Variants in MGMT observed in about 807,000 individuals in gnomAD.
MGMT encodes the protein methylated-DNA--protein-cysteine methyltransferase.
Under a neutral mutation model 15.9 loss-of-function variants are expected in MGMT, and 14 were observed. The ratio of observed to expected loss-of-function variants is 0.88; its 90% CI spans 0.58 to 1.37. The LOEUF (loss-of-function observed/expected upper bound fraction) is 1.37, where lower values mean the gene tolerates loss of function less well. Ranked by LOEUF, MGMT falls within the 40% of genes most tolerant of loss-of-function variation. The probability of loss-of-function intolerance (pLI) is 0.00; values close to 1 mark genes in which losing one functional copy is unlikely to be tolerated. For synonymous variants in MGMT, 130 were observed against 118.2 expected, an observed-to-expected ratio of 1.10 and a Z score of -0.65; for missense variants, 282 against 268.1, an observed-to-expected ratio of 1.05 and a Z score of -0.36.
Position 129,639,835 on chromosome 10 carries a change from C to T in MGMT, c.126-68060C>T, listed in dbSNP as rs141259663. ...AGGAAGGAGATAATAAAGATAAAAA[C>T]AAAGATGAATAAACATGGAAAACAG... is the stretch of plus-strand genomic sequence containing the variant. On this transcript the variant is annotated intron_variant, in intron 2 of 4. Transcript: ENST00000651593. Among the ~76,000 whole-genome samples the T allele has an allele frequency of 1.6e-3, 237 of 148,030 alleles. 1 individual carries two copies. Among genetic ancestry groups the T allele is most frequent in the African/African-American group, 5.6e-3 (223 of 40,004 alleles).
chr10:129,642,078 A>T (rs1185098514), intron 2 of MGMT, among the ~76,000 whole-genome samples: 1 of 152,176 alleles, frequency 6.6e-6, no homozygotes, highest in Non-Finnish European at 1.5e-5. Context: ...CCCTTGTTGG[A>T]CAGCAACAGA....
intron 2 of MGMT, among the ~76,000 whole-genome samples, chr10:129,606,062 C>A (rs1298178570): frequency 6.6e-6 from 1 of 152,176 alleles, no homozygotes; most frequent in Non-Finnish European, 1.5e-5. Flanking sequence ...CACTAATTTC[C>A]TCTCTCTCGT....
At chr10:129,486,657 C>G (rs749333939) in intron 1 of MGMT, among the ~76,000 whole-genome samples, 1 of 151,138 alleles carries the variant, frequency 6.6e-6, no homozygotes, top group African/African-American at 2.4e-5. Flanking sequence ...ATTTGTATTT[C>G]TACTCTGAAG....
intron 2 of MGMT, among the ~76,000 whole-genome samples, chr10:129,583,077 T>G (rs968962362): frequency 2.6e-5 from 4 of 152,214 alleles, no homozygotes; most frequent in Non-Finnish European, 5.9e-5. Context: ...ATAGGCTGTC[T>G]TGCTTCCTTC....
intron 2 of MGMT, among the ~76,000 whole-genome samples, chr10:129,624,536 C>T (rs971501589): frequency 6.6e-6 from 1 of 152,146 alleles, no homozygotes; most frequent in Non-Finnish European, 1.5e-5. Flanking sequence ...ATCCCCAATC[C>T]ATGAAAACAA....
intron 2 of MGMT, among the ~76,000 whole-genome samples, chr10:129,581,352 T>C (rs1174827290): frequency 6.6e-6 from 1 of 152,146 alleles, no homozygotes; most frequent in African/African-American, 2.4e-5. Flanking sequence ...ATGGCACCAT[T>C]GAACTTGAGA....
At chr10:129,610,014 G>A (rs953646929) in intron 2 of MGMT, among the ~76,000 whole-genome samples, 21 of 152,136 alleles carry the variant, frequency 1.4e-4, no homozygotes, top group African/African-American at 4.8e-4. Flanking sequence ...AAAGCTTTAG[G>A]CAGACACTGA....
At chr10:129,552,832 C>T (rs933354651) in intron 2 of MGMT, among the ~76,000 whole-genome samples, 1 of 152,222 alleles carries the variant, frequency 6.6e-6, no homozygotes, top group Non-Finnish European at 1.5e-5. Flanking sequence ...GAAGCCTGCT[C>T]TTTTTGTTTT....
chr10:129,675,190 A>G (rs1847770648), intron 2 of MGMT, among the ~76,000 whole-genome samples: 1 of 152,160 alleles, frequency 6.6e-6, no homozygotes, highest in Non-Finnish European at 1.5e-5. Flanking sequence ...GGCCCAGCAC[A>G]CTGGGAGGTT....
At position 129,702,327 on chromosome 10, in the gene MGMT, C is replaced by T. The variant is rs759090444; in HGVS notation, c.126-5568C>T. Among the ~76,000 whole-genome samples the T allele has an allele frequency of 1.2e-4, 19 of 152,242 alleles. 1 individual carries two copies. The highest frequency in any genetic ancestry group is 2.4e-4 in the Non-Finnish European group (16 of 68,036). On this transcript the variant is annotated intron_variant, in intron 2 of 4. Coordinates refer to ENST00000651593, the MANE Select transcript of MGMT (RefSeq NM_002412.5). ...GACGCCCTGTTGTCACATGTACACA[C>T]GCCCAGCAAAGCTGGGCTGCTTCAC...
At chr10:129,550,310 C>T (rs1262454047) in intron 2 of MGMT, among the ~76,000 whole-genome samples, 2 of 151,216 alleles carry the variant, frequency 1.3e-5, no homozygotes, top group East Asian at 3.9e-4. Context: ...CACAGTGTTC[C>T]GCAGCCACCA....
chr10:129,555,853 G>A (rs1475708960), intron 2 of MGMT, among the ~76,000 whole-genome samples: 6 of 152,102 alleles, frequency 3.9e-5, no homozygotes, highest in Non-Finnish European at 7.4e-5. Flanking sequence ...TTTTATTTTC[G>A]GCAACTCCGT....
At chr10:129,616,298 G>A (rs991343310) in intron 2 of MGMT, among the ~76,000 whole-genome samples, 13 of 152,338 alleles carry the variant, frequency 8.5e-5, no homozygotes, top group East Asian at 1.9e-4. Flanking sequence ...GATGCTCATC[G>A]TGAAGATGCA....
At chr10:129,719,242 C>T (rs1848339225) in intron 3 of MGMT, among the ~76,000 whole-genome samples, 1 of 152,248 alleles carries the variant, frequency 6.6e-6, no homozygotes, top group African/African-American at 2.4e-5. Flanking sequence ...TCAGGTACGT[C>T]ACCTTCCCAG....
intron 1 of MGMT, among the ~76,000 whole-genome samples, chr10:129,517,880 C>G (rs1845756884): frequency 6.6e-6 from 1 of 152,210 alleles, no homozygotes; most frequent in African/African-American, 2.4e-5. Flanking sequence ...TTTGGGTTTC[C>G]CACAGAAGTT....
chr10:129,700,460 C>T (rs1348784058), intron 2 of MGMT: 1 of 152,174 alleles, frequency 6.6e-6, no homozygotes, highest in African/African-American at 2.4e-5. Context: ...CTCGGGGCCT[C>T]CATGAAACAT....
intron 2 of MGMT, among the ~76,000 whole-genome samples, chr10:129,560,989 G>GTGCGTGTGCA (rs1554911324): frequency 0.025 from 3,797 of 149,882 alleles, 90 homozygotes; most frequent in South Asian, 0.056. Flanking sequence ...GTGTGTGTGT[G>GTGCGTGTGCA]TGTGTGTGTT....
intron 1 of MGMT, among the ~76,000 whole-genome samples, chr10:129,500,415 T>G (rs66633114): frequency 0.29 from 43,513 of 152,070 alleles, 6,536 homozygotes; most frequent in African/African-American, 0.34. Context: ...GACTTTAGGC[T>G]TCTACTGCTC....
chr10:129,723,713 G>T (rs543104139), intron 3 of MGMT, among the ~76,000 whole-genome samples: 3 of 152,118 alleles, frequency 2.0e-5, no homozygotes, highest in Non-Finnish European at 4.4e-5. Flanking sequence ...TAAATAACTG[G>T]ACAAAATATC....
Sources: allele counts gnomAD v4.1 joint callset (sites outside exome capture counted in the v4.1 genomes callset), GRCh38; gene constraint gnomAD v4.1.1; transcripts MANE v1.5; gene names NCBI Gene and HGNC (gene_info 2026-07-23, HGNC 2026-07-21).